The following DPP6 variants were observed in gnomAD, a reference collection of about 807,000 sequenced individuals.
The protein encoded by DPP6 is A-type potassium channel modulatory protein DPP6.
In DPP6, 69 loss-of-function variants were observed where a neutral mutation model predicts 122.6. The ratio of observed to expected loss-of-function variants is 0.56; its 90% CI spans 0.46 to 0.69. The LOEUF (loss-of-function observed/expected upper bound fraction) is 0.69, where lower values mean the gene tolerates loss of function less well. Ranked by LOEUF, DPP6 falls within the 30% of genes least tolerant of loss-of-function variation. The pLI, the probability that DPP6 is intolerant of heterozygous loss-of-function variation, is 0.00. For missense variants in DPP6, 928 were observed against 1,116.9 expected (o/e 0.83, Z 2.41); for synonymous variants, 418 against 433.1 (o/e 0.97, Z 0.43).
At chr7:154,887,441 A>G (rs1029094124) in intron 22 of DPP6, among the ~76,000 whole-genome samples, 1 of 152,210 alleles carries the variant, frequency 6.6e-6, no homozygotes, top group Non-Finnish European at 1.5e-5. Flanking sequence ...GAAAATTGCA[A>G]CACCGGCACT....
chr7:154,758,372 G>GT (rs1795284785), intron 8 of DPP6, among the ~76,000 whole-genome samples: 1 of 101,440 alleles, frequency 9.9e-6, no homozygotes, highest in African/African-American at 5.3e-5. Flanking sequence ...AGGAAATACA[G>GT]ATTTTTTTTT....
At chr7:153,758,425 T>C in the DPP6 span, among the ~76,000 whole-genome samples, 3 of 151,942 alleles carry the variant, frequency 2.0e-5, no homozygotes, top group African/African-American at 7.2e-5. Flanking sequence ...TGTGCACATG[T>C]GCATACCCGT....
In DPP6 at chr7:154,790,055, G is replaced by A. The variant is rs183065336; in HGVS notation, c.1137-4024G>A. Among the ~76,000 whole-genome samples, 128 of 152,138 alleles carry A rather than the reference G, an allele frequency of 8.4e-4. 2 individuals are homozygous for A. In the Middle Eastern group the frequency reaches 0.014, roughly 16 times the overall value. The stretch of plus-strand genomic sequence containing the variant: ...TCTACTAAAAATACAAAAATTAGCC[G>A]GGCATGGTAGCAGGCACCTGTAATC... On this transcript the variant is annotated intron_variant, in intron 10 of 25. Transcript: ENST00000377770.
chr7:154,580,152 C>CAT (rs761599959), intron 5 of DPP6, among the ~76,000 whole-genome samples: 1 of 129,942 alleles, frequency 7.7e-6, no homozygotes, highest in Non-Finnish European at 1.6e-5. Context: ...CTCCCCCTTA[C>CAT]ACACACACAC....
chr7:154,086,217 C>G (rs922895717), intron 1 of DPP6, among the ~76,000 whole-genome samples: 1 of 151,708 alleles, frequency 6.6e-6, no homozygotes, highest in African/African-American at 2.4e-5. Context: ...CATAGCTCAT[C>G]AGAAATTCAG....
At chr7:154,366,366 CCTGAAGAGAAATGATT>C (rs1462469186) in intron 1 of DPP6, among the ~76,000 whole-genome samples, 1 of 152,156 alleles carries the variant, frequency 6.6e-6, no homozygotes, top group Non-Finnish European at 1.5e-5. Flanking sequence ...CCATCTCTTC[CCTGAAGAGAAATGATT>C]CTGTACCTTG....
At chr7:153,876,356 C>A in the DPP6 span, among the ~76,000 whole-genome samples, 1 of 151,492 alleles carries the variant, frequency 6.6e-6, no homozygotes, top group African/African-American at 2.4e-5. Context: ...CATATTCTAT[C>A]CAATATGTAT....
the DPP6 span, among the ~76,000 whole-genome samples, chr7:153,786,645 A>G: frequency 0.013 from 1,836 of 144,384 alleles, 39 homozygotes; most frequent in African/African-American, 0.044. Context: ...AGGCTGAGGC[A>G]GGAGAATGGC....
chr7:154,883,349 TACACACACATGCTC>T (rs1805601350), intron 21 of DPP6, among the ~76,000 whole-genome samples: 1 of 109,930 alleles, frequency 9.1e-6, no homozygotes, highest in South Asian at 3.3e-4. Flanking sequence ...CACACGCTCA[TACACACACATGCTC>T]ACACACACGA....
intron 1 of DPP6, among the ~76,000 whole-genome samples, chr7:154,200,451 C>T (rs7808841): frequency 0.065 from 9,848 of 152,088 alleles, 685 homozygotes; most frequent in African/African-American, 0.16. Context: ...GGGTGAGAAC[C>T]GCCGGGTGGA....
the DPP6 span, among the ~76,000 whole-genome samples, chr7:153,768,006 C>A: frequency 1.3e-5 from 2 of 151,846 alleles, no homozygotes; most frequent in Non-Finnish European, 2.9e-5. Flanking sequence ...ATAGAAGGCT[C>A]ACTGTTAGAA....
chr7:153,845,101 T>C, the DPP6 span, among the ~76,000 whole-genome samples: 3 of 152,334 alleles, frequency 2.0e-5, no homozygotes, highest in African/African-American at 4.8e-5. Context: ...GGAATGATCA[T>C]CAATGTAATA....
intron 1 of DPP6, among the ~76,000 whole-genome samples, chr7:154,086,524 C>T (rs1292692747): frequency 2.7e-5 from 4 of 150,346 alleles, no homozygotes; most frequent in Admixed American, 6.7e-5. Flanking sequence ...CTGCCCTACA[C>T]GATGTTCCAT....
chr7:154,454,968 T>C (rs1820698653), intron 2 of DPP6, among the ~76,000 whole-genome samples: 1 of 152,148 alleles, frequency 6.6e-6, no homozygotes, highest in African/African-American at 2.4e-5. Context: ...ACTGTTCCAA[T>C]TGCAGGTGTC....
intron 5 of DPP6, among the ~76,000 whole-genome samples, chr7:154,590,158 T>C (rs1832717528): frequency 6.6e-6 from 1 of 152,096 alleles, no homozygotes; most frequent in South Asian, 2.1e-4. Flanking sequence ...TAATAAGATG[T>C]ACAAAGCAAG....
At chr7:154,623,022 G>A (rs62477222) in intron 5 of DPP6, among the ~76,000 whole-genome samples, 45,015 of 152,090 alleles carry the variant, frequency 0.3, 7,004 homozygotes, top group South Asian at 0.4. Context: ...GGGTGATGGA[G>A]AGAATGCACT....
At chr7:153,913,116 C>T (rs998313900) in intron 1 of DPP6, among the ~76,000 whole-genome samples, 1 of 152,134 alleles carries the variant, frequency 6.6e-6, no homozygotes, top group Non-Finnish European at 1.5e-5. Flanking sequence ...ACTCTGTCGC[C>T]CAGACTGGAG....
chr7:154,839,455 T>C (rs1021228837), intron 16 of DPP6, among the ~76,000 whole-genome samples: 3 of 152,276 alleles, frequency 2.0e-5, no homozygotes, highest in African/African-American at 7.2e-5. Flanking sequence ...GCGTTACCAC[T>C]TACAGTTCTG....
the DPP6 span, among the ~76,000 whole-genome samples, chr7:153,873,853 G>A: frequency 6.6e-6 from 1 of 152,300 alleles, no homozygotes; most frequent in East Asian, 1.9e-4. Context: ...AAATATAGGG[G>A]TGGCATTCAC....
Sources: gnomAD v4.1 joint callset for allele counts (sites outside exome capture counted in the v4.1 genomes callset) on GRCh38, gnomAD v4.1.1 for gene constraint, MANE v1.5 for transcripts, NCBI Gene and HGNC (gene_info 2026-07-23, HGNC 2026-07-21) for gene names.